Variants in SCML2 observed in about 807,000 individuals in gnomAD.
The protein encoded by SCML2 is sex comb on midleg-like protein 2.
In SCML2, 6 loss-of-function variants were observed where a neutral mutation model predicts 48.4. That is an observed-to-expected ratio of 0.12 (90% CI 0.07 to 0.24). The LOEUF (loss-of-function observed/expected upper bound fraction) is 0.24. SCML2 is among the 10% of genes least tolerant of loss of function. The pLI is 1.00. For missense variants in SCML2, 377 were observed against 528.2 expected (o/e 0.71, Z 2.81); for synonymous variants, 181 against 189.5 (o/e 0.95, Z 0.37).
chrX:18,314,263 T>G (rs1929047648), intron 6 of SCML2, among the ~76,000 whole-genome samples: 1 of 111,655 alleles, frequency 9.0e-6, no homozygotes, highest in South Asian at 3.8e-4. Flanking sequence ...CCCCACTGGA[T>G]TCAATGACAC....
At chrX:18,257,657 G>A (rs927099136) in intron 10 of SCML2, among the ~76,000 whole-genome samples, 1 of 109,875 alleles carries the variant, frequency 9.1e-6, no homozygotes, top group African/African-American at 3.3e-5. Flanking sequence ...CGAGGCCAAG[G>A]TGGGCAGATC....
chrX:18,333,232 G>A (rs921112405), intron 2 of SCML2, among the ~76,000 whole-genome samples: 5 of 110,091 alleles, frequency 4.5e-5, no homozygotes, highest in Non-Finnish European at 9.5e-5. Flanking sequence ...AGCCATGATC[G>A]TGCCACTGCC....
chrX:18,310,575 ATTTT>A (rs1240006908), intron 6 of SCML2, among the ~76,000 whole-genome samples: 1 of 108,294 alleles, frequency 9.2e-6, no homozygotes, highest in Middle Eastern at 4.4e-3. Context: ...CTTTATATTT[ATTTT>A]ATTTATTTTT....
intron 1 of SCML2, among the ~76,000 whole-genome samples, chrX:18,336,969 G>C (rs73191508): frequency 8.3e-4 from 92 of 110,550 alleles, no homozygotes; most frequent in African/African-American, 2.7e-3. Flanking sequence ...AAAAAACAAG[G>C]GCAAACAGAA....
At chrX:18,267,808 G>A (rs1385184563) in intron 7 of SCML2, among the ~76,000 whole-genome samples, 3 of 110,649 alleles carry the variant, frequency 2.7e-5, no homozygotes, top group Non-Finnish European at 3.8e-5. Context: ...ACGTTAGCCA[G>A]GATGGTCTCA....
intron 13 of SCML2, among the ~76,000 whole-genome samples, chrX:18,243,865 T>G (rs897544633): frequency 8.9e-6 from 1 of 112,039 alleles, no homozygotes; most frequent in African/African-American, 3.2e-5. Flanking sequence ...CTAGGAAGAT[T>G]TGTTTTGCTA....
At chrX:18,311,398 C>CAG (rs111864391) in intron 6 of SCML2, among the ~76,000 whole-genome samples, 341 of 108,498 alleles carry the variant, frequency 3.1e-3, no homozygotes, top group Non-Finnish European at 3.1e-3. Context: ...AAATGCTATG[C>CAG]AGAGAGAGAG....
chrX:18,292,611 T>A (rs1447896615), intron 7 of SCML2, among the ~76,000 whole-genome samples: 1 of 110,888 alleles, frequency 9.0e-6, no homozygotes, highest in Non-Finnish European at 1.9e-5. Context: ...ACAAATCCTA[T>A]ATACAAATAT....
rs1319063658 is a variant in SCML2 at position 18,343,990 on chromosome X, G to A, written c.-24-9895C>T. ...AGAAAAAATAATAAAATAAAACTAC[G>A]AAACCAAACTCTCATTCCCTATGAC... On this transcript the variant is annotated intron_variant, in intron 1 of 14. Transcript: ENST00000251900. Among the ~76,000 whole-genome samples the A allele has an allele frequency of 5.0e-5, 5 of 100,040 alleles. No homozygotes were observed. In the East Asian group the frequency reaches 1.3e-3, roughly 25 times the overall value. The allele number at this position is 100,040 out of a possible 115,157, so 86.9% of individuals were successfully genotyped here. A position where few individuals can be genotyped will look rare whatever the true frequency, so the allele number is the denominator to read the frequency against.
At chrX:18,337,270 C>T (rs1445980053) in intron 1 of SCML2, among the ~76,000 whole-genome samples, 3 of 83,302 alleles carry the variant, frequency 3.6e-5, no homozygotes, top group Non-Finnish European at 6.5e-5. Context: ...CCACTCACTG[C>T]ACTCCGGCCT....
At chrX:18,284,878 C>A (rs1927990803) in intron 7 of SCML2, among the ~76,000 whole-genome samples, 1 of 111,529 alleles carries the variant, frequency 9.0e-6, no homozygotes, top group African/African-American at 3.3e-5. Flanking sequence ...CCGTCTCGCA[C>A]TAAAAATACA....
At chrX:18,287,649 A>G (rs1298184179) in intron 7 of SCML2, among the ~76,000 whole-genome samples, 1 of 112,026 alleles carries the variant, frequency 8.9e-6, no homozygotes, top group African/African-American at 3.2e-5. Flanking sequence ...TTAAGTTGGC[A>G]TATATGCTAA....
chrX:18,313,248 C>T (rs1929017084), intron 6 of SCML2, among the ~76,000 whole-genome samples: 1 of 110,953 alleles, frequency 9.0e-6, no homozygotes, highest in Admixed American at 9.6e-5. Flanking sequence ...ATTGTATCTC[C>T]CAGAATTCCC....
At position 18,239,319 on chromosome X, in the gene SCML2, G is replaced by A. The variant is rs893577255; in HGVS notation, c.*1932C>T. On this transcript the variant is annotated 3_prime_UTR_variant, in exon 15 of 15. Coordinates refer to ENST00000251900, the MANE Select transcript of SCML2 (RefSeq NM_006089.3). ...TCACATCTGAGGCTTTGAATGAATC[G>A]TTGCGATTAACTTTATTAATATTTT... 7.1e-5 allele frequency: 8 copies of A among 112,527 alleles called. No homozygotes were observed. In the East Asian group the frequency reaches 1.1e-3, roughly 16 times the overall value. 9.3% of individuals were successfully genotyped at this position (112,527 alleles called of 1,213,427 possible). A position where few individuals can be genotyped will look rare whatever the true frequency, so the allele number is the denominator to read the frequency against.
At chrX:18,270,270 C>T (rs907311462) in intron 7 of SCML2, among the ~76,000 whole-genome samples, 1 of 111,002 alleles carries the variant, frequency 9.0e-6, no homozygotes, top group Admixed American at 9.6e-5. Context: ...TCAGGCAATC[C>T]GCCCACCTGG....
intron 5 of SCML2, among the ~76,000 whole-genome samples, chrX:18,322,659 C>T (rs1275987288): frequency 6.3e-5 from 7 of 111,278 alleles, no homozygotes; most frequent in African/African-American, 9.8e-5. Flanking sequence ...TTTGGGAGGC[C>T]GAGGTGGGAA....
At chrX:18,243,229 C>G (rs1013314675) in intron 13 of SCML2, among the ~76,000 whole-genome samples, 1 of 111,115 alleles carries the variant, frequency 9.0e-6, no homozygotes, top group Non-Finnish European at 1.9e-5. Context: ...CATGCCACCA[C>G]TTGCAGCTAA....
intron 1 of SCML2, among the ~76,000 whole-genome samples, chrX:18,336,839 C>A (rs1440772779): frequency 9.1e-6 from 1 of 109,532 alleles, no homozygotes; most frequent in African/African-American, 3.3e-5. Flanking sequence ...TTAGGGCAAC[C>A]GCTAAAAAAA....
chrX:18,271,148 T>C (rs1927445124), intron 7 of SCML2, among the ~76,000 whole-genome samples: 2 of 111,160 alleles, frequency 1.8e-5, no homozygotes, highest in African/African-American at 3.3e-5. Flanking sequence ...AGAAAGGAGA[T>C]AGGTGCCAAT....
Sources: gnomAD v4.1 joint callset for allele counts (sites outside exome capture counted in the v4.1 genomes callset) on GRCh38, gnomAD v4.1.1 for gene constraint, MANE v1.5 for transcripts, NCBI Gene and HGNC (gene_info 2026-07-23, HGNC 2026-07-21) for gene names.